Variants in PTPRM observed in about 807,000 individuals in gnomAD.
PTPRM encodes the protein protein tyrosine phosphatase receptor type M, also known as receptor-type tyrosine-protein phosphatase mu.
In PTPRM, 47 loss-of-function variants were observed where a neutral mutation model predicts 186.7. That is an observed-to-expected ratio of 0.25 (90% CI 0.20 to 0.32). The LOEUF (loss-of-function observed/expected upper bound fraction) is 0.32. Ranked by LOEUF, PTPRM falls within the 10% of genes least tolerant of loss-of-function variation. The pLI, the probability that PTPRM is intolerant of heterozygous loss-of-function variation, is 1.00. For missense variants in PTPRM, 1,494 were observed against 1,865.0 expected, an observed-to-expected ratio of 0.80 and a Z score of 3.66; for synonymous variants, 668 against 674.9, an observed-to-expected ratio of 0.99 and a Z score of 0.16.
At chr18:7,637,374 A>T (rs920420990) in intron 1 of PTPRM, among the ~76,000 whole-genome samples, 3 of 152,170 alleles carry the variant, frequency 2.0e-5, no homozygotes, top group Admixed American at 6.5e-5. Context: ...ATAAAAAAGG[A>T]AGTCATAATT....
intron 14 of PTPRM, among the ~76,000 whole-genome samples, chr18:8,211,374 CTTCTT>C (rs1157451113): frequency 1.8e-5 from 2 of 109,538 alleles, no homozygotes; most frequent in African/African-American, 7.1e-5. Context: ...TAGGTCTCTT[CTTCTT>C]TTTTTTTTTT....
chr18:8,187,344 G>A (rs2146661316), intron 14 of PTPRM, among the ~76,000 whole-genome samples: 1 of 152,306 alleles, frequency 6.6e-6, no homozygotes, highest in African/African-American at 2.4e-5. Flanking sequence ...GTCTGTGGTG[G>A]GAGGGAATAT....
intron 1 of PTPRM, among the ~76,000 whole-genome samples, chr18:7,577,364 G>A: frequency 6.6e-6 from 1 of 152,136 alleles, no homozygotes; most frequent in East Asian, 1.9e-4. Flanking sequence ...TTACTATGCA[G>A]TAGATTTATC....
At chr18:7,702,874 G>C (rs2039996319) in intron 1 of PTPRM, among the ~76,000 whole-genome samples, 1 of 152,118 alleles carries the variant, frequency 6.6e-6, no homozygotes, top group African/African-American at 2.4e-5. Context: ...TTTTTAATAA[G>C]GTGTAAGGAA....
intron 2 of PTPRM, among the ~76,000 whole-genome samples, chr18:7,830,921 G>T (rs1375746759): frequency 6.6e-6 from 1 of 152,138 alleles, no homozygotes; most frequent in East Asian, 1.9e-4. Context: ...TCTGCATTTT[G>T]GTTGTTTTTG....
At chr18:8,006,670 A>G (rs560382557) in intron 7 of PTPRM, among the ~76,000 whole-genome samples, 37 of 152,226 alleles carry the variant, frequency 2.4e-4, no homozygotes, top group African/African-American at 7.0e-4. Context: ...CAGATTCAGG[A>G]TTTTAGAACT....
At chr18:8,380,524 GC>G in intron 29 of PTPRM, 97 bp downstream of exon 29, 1 of 1,422,782 alleles carries the variant, frequency 7.0e-7, no homozygotes, top group African/African-American at 1.4e-5. Context: ...AGGCCCTAGT[GC>G]CAGATCTCAA....
At chr18:7,659,256 C>T (rs909331848) in intron 1 of PTPRM, among the ~76,000 whole-genome samples, 2 of 152,032 alleles carry the variant, frequency 1.3e-5, no homozygotes, top group African/African-American at 4.8e-5. Context: ...GTATGTGAGT[C>T]CATGAATTCA....
intron 14 of PTPRM, among the ~76,000 whole-genome samples, chr18:8,240,782 GA>G (rs2094421249): frequency 1.1e-4 from 3 of 28,478 alleles, no homozygotes; most frequent in African/African-American, 4.8e-4. Context: ...GAGAGGGAGA[GA>G]GAGAGAGAGA....
intron 1 of PTPRM, among the ~76,000 whole-genome samples, chr18:7,716,047 A>C (rs1461607629): frequency 6.6e-6 from 1 of 152,166 alleles, no homozygotes; most frequent in Non-Finnish European, 1.5e-5. Flanking sequence ...TAGTCCATAT[A>C]GTCAAGACAA....
chr18:7,795,314 C>T (rs370213336), intron 2 of PTPRM, among the ~76,000 whole-genome samples: 109 of 152,202 alleles, frequency 7.2e-4, no homozygotes, highest in African/African-American at 2.5e-3. Flanking sequence ...TTTTTAGGAG[C>T]GTCTCAGAGT....
rs1172169297 is a variant in PTPRM at position 7,568,151 on chromosome 18, C to T, written c.73+260C>T. ...CAGCCGGGACTGCCAGCTCGGCCGC[C>T]GTCCTTCCGCGGCCTGGGCTAGTGC... On this transcript the variant is annotated intron_variant, in intron 1 of 32. Coordinates refer to ENST00000580170, the MANE Select transcript of PTPRM (RefSeq NM_001105244.2). The surrounding 1 kb of genome is among the most constrained non-coding windows in gnomAD (Gnocchi z 5.1). 1.3e-5 allele frequency among the ~76,000 whole-genome samples: 2 copies of T among 151,894 alleles called. No homozygotes were observed. Among genetic ancestry groups the T allele is most frequent in the African/African-American group, 4.8e-5 (2 of 41,408 alleles).
intron 2 of PTPRM, among the ~76,000 whole-genome samples, chr18:7,842,907 C>CAT (rs1318623418): frequency 3.5e-4 from 34 of 96,258 alleles, no homozygotes; most frequent in Non-Finnish European, 4.8e-4. Context: ...ATATGTTTCT[C>CAT]ATATGTGTGT....
intron 1 of PTPRM, among the ~76,000 whole-genome samples, chr18:7,599,337 A>C (rs1040025646): frequency 6.6e-6 from 1 of 152,240 alleles, no homozygotes; most frequent in Non-Finnish European, 1.5e-5. Flanking sequence ...TTTGTAATTC[A>C]TAGCTGAACC....
intron 2 of PTPRM, among the ~76,000 whole-genome samples, chr18:7,860,357 G>A (rs557139822): frequency 1.3e-5 from 2 of 152,304 alleles, no homozygotes; most frequent in South Asian, 4.1e-4. Context: ...ACAGGTATGA[G>A]CCACTGTGCC....
chr18:8,264,304 C>G (rs2094672090), intron 19 of PTPRM, among the ~76,000 whole-genome samples: 1 of 152,072 alleles, frequency 6.6e-6, no homozygotes, highest in Non-Finnish European at 1.5e-5. Context: ...ATGACTATTC[C>G]AACAAAGAAA....
chr18:7,877,150 A>G (rs2048285759), intron 2 of PTPRM, among the ~76,000 whole-genome samples: 1 of 152,232 alleles, frequency 6.6e-6, no homozygotes, highest in Non-Finnish European at 1.5e-5. Context: ...AGCTTTCATA[A>G]TCACCATTAA....
At chr18:8,346,555 TCAC>T (rs2095506173) in intron 23 of PTPRM, among the ~76,000 whole-genome samples, 1 of 152,310 alleles carries the variant, frequency 6.6e-6, no homozygotes, top group African/African-American at 2.4e-5. Flanking sequence ...GTTTAGGGCT[TCAC>T]CATTTGAGTT....
intron 23 of PTPRM, among the ~76,000 whole-genome samples, chr18:8,363,820 G>A (rs1297338236): frequency 1.3e-5 from 2 of 152,198 alleles, no homozygotes; most frequent in African/African-American, 2.4e-5. Flanking sequence ...CGTGTGGTTT[G>A]TAGGATAACA....
Sources: allele counts gnomAD v4.1 joint callset (sites outside exome capture counted in the v4.1 genomes callset), GRCh38; gene constraint gnomAD v4.1.1; non-coding constraint Gnocchi (gnomAD v3.1); transcripts MANE v1.5; gene names NCBI Gene and HGNC (gene_info 2026-07-23, HGNC 2026-07-21).